The following EHBP1 variants were observed in gnomAD, a reference collection of about 807,000 sequenced individuals.
The protein encoded by EHBP1 is EH domain binding protein 1.
Under a neutral mutation model 144.0 loss-of-function variants are expected in EHBP1, and 55 were observed. The ratio of observed to expected loss-of-function variants is 0.38; its 90% CI spans 0.31 to 0.48. The LOEUF (loss-of-function observed/expected upper bound fraction) is 0.48, where lower values mean the gene tolerates loss of function less well. Ranked by LOEUF, EHBP1 falls within the 20% of genes least tolerant of loss-of-function variation. EHBP1 has a pLI of 0.98. For synonymous variants in EHBP1, 469 were observed against 472.7 expected, an observed-to-expected ratio of 0.99 and a Z score of 0.10; for missense variants, 1,200 against 1,364.2, an observed-to-expected ratio of 0.88 and a Z score of 1.90.
chr2:63,042,425 A>C (rs2061700707), intron 21 of EHBP1, among the ~76,000 whole-genome samples: 1 of 152,114 alleles, frequency 6.6e-6, no homozygotes, highest in Non-Finnish European at 1.5e-5. Context: ...TTCACTGCAC[A>C]TTGCTATTTC....
At chr2:62,696,505 CTTCTTT>C (rs1238914040) in intron 1 of EHBP1, among the ~76,000 whole-genome samples, 2 of 99,148 alleles carry the variant, frequency 2.0e-5, no homozygotes, top group Non-Finnish European at 2.0e-5. Flanking sequence ...TCTTTTTTTT[CTTCTTT>C]TTTTTTTTTT....
intron 19 of EHBP1, among the ~76,000 whole-genome samples, chr2:63,030,574 A>C (rs1482711237): frequency 2.0e-5 from 3 of 149,312 alleles, no homozygotes; most frequent in Non-Finnish European, 4.4e-5. Flanking sequence ...TGCAAGCTCC[A>C]CCTCCCAGGT....
chr2:62,762,554 A>C (rs1316415552), intron 3 of EHBP1, among the ~76,000 whole-genome samples: 1 of 152,116 alleles, frequency 6.6e-6, no homozygotes, highest in Non-Finnish European at 1.5e-5. Flanking sequence ...CTTGCCTCCT[A>C]TCTGTTAATA....
chr2:62,773,720 G>C (rs374690339), intron 5 of EHBP1, among the ~76,000 whole-genome samples: 4 of 151,214 alleles, frequency 2.6e-5, no homozygotes, highest in Non-Finnish European at 5.9e-5. Context: ...GCTTGGTGGC[G>C]TGCGCCTGTA....
intron 5 of EHBP1, among the ~76,000 whole-genome samples, chr2:62,808,722 A>G (rs1643834633): frequency 6.6e-6 from 1 of 152,142 alleles, no homozygotes; most frequent in African/African-American, 2.4e-5. Flanking sequence ...GGTAAAAGGA[A>G]GTGCTGTAAA....
At chr2:62,704,856 T>G (rs1241554483), upstream of EHBP1, among the ~76,000 whole-genome samples, 3 of 152,184 alleles carry the variant, frequency 2.0e-5, no homozygotes, top group Non-Finnish European at 4.4e-5. Context: ...CAAGATTGAG[T>G]GTCCCTGCCC....
At chr2:62,959,499 G>A (rs2057892390) in intron 14 of EHBP1, among the ~76,000 whole-genome samples, 1 of 152,118 alleles carries the variant, frequency 6.6e-6, no homozygotes, top group Non-Finnish European at 1.5e-5. Flanking sequence ...CACCAACAGT[G>A]TGCAAAGATT....
chr2:62,904,616 G>A (rs899475833), intron 10 of EHBP1, among the ~76,000 whole-genome samples: 6 of 152,152 alleles, frequency 3.9e-5, no homozygotes, highest in Non-Finnish European at 7.3e-5. Context: ...CCTCAGTGTG[G>A]AACAGGAGCC....
intron 10 of EHBP1, among the ~76,000 whole-genome samples, chr2:62,908,629 C>T (rs1020613900): frequency 6.6e-6 from 1 of 152,082 alleles, no homozygotes; most frequent in Admixed American, 6.6e-5. Context: ...ACATCCAGGT[C>T]AAAATACTTC....
intron 2 of EHBP1, among the ~76,000 whole-genome samples, chr2:62,730,624 TAG>T (rs898881603): frequency 1.1e-4 from 17 of 149,672 alleles, no homozygotes; most frequent in African/African-American, 1.5e-4. Context: ...TCTTTTTTTT[TAG>T]AGAGAGAGAG....
At chr2:62,680,816 A>G (rs1187768072) in intron 1 of EHBP1, among the ~76,000 whole-genome samples, 3 of 152,200 alleles carry the variant, frequency 2.0e-5, no homozygotes, top group South Asian at 4.1e-4. Context: ...TATAAGTCCT[A>G]TCTCTACTAC....
chr2:62,826,838 A>G (rs751542197), intron 6 of EHBP1, among the ~76,000 whole-genome samples: 13 of 152,176 alleles, frequency 8.5e-5, no homozygotes, highest in Non-Finnish European at 1.3e-4. Flanking sequence ...TATAAGAGTA[A>G]AATTCTAACT....
chr2:62,781,665 T>C (rs1179354567), intron 5 of EHBP1, among the ~76,000 whole-genome samples: 4 of 152,194 alleles, frequency 2.6e-5, no homozygotes, highest in African/African-American at 9.7e-5. Flanking sequence ...AGAGGCTTCT[T>C]TGTGCAACAG....
chr2:62,867,236 C>T (rs1241489628), intron 9 of EHBP1, among the ~76,000 whole-genome samples: 1 of 151,932 alleles, frequency 6.6e-6, no homozygotes, highest in Non-Finnish European at 1.5e-5. Flanking sequence ...TGTGTAAAGG[C>T]TGAGTAGCAG....
chr2:62,823,749 G>A (rs2046152834), intron 5 of EHBP1, among the ~76,000 whole-genome samples: 1 of 152,004 alleles, frequency 6.6e-6, no homozygotes, highest in African/African-American at 2.4e-5. Flanking sequence ...CAATGTCTGA[G>A]GTAGCTGGAG....
intron 19 of EHBP1, among the ~76,000 whole-genome samples, chr2:63,005,402 G>A (rs139685116): frequency 1.3e-5 from 2 of 152,146 alleles, no homozygotes; most frequent in African/African-American, 4.8e-5. Context: ...CAACAGCACC[G>A]GCTGGCTTAC....
chr2:62,822,165 C>G (rs2046031931), intron 5 of EHBP1, among the ~76,000 whole-genome samples: 1 of 152,018 alleles, frequency 6.6e-6, no homozygotes. Flanking sequence ...TTTTTATAAT[C>G]AGTTCATTTC....
chr2:62,688,514 A>G (rs2033793727), intron 1 of EHBP1, among the ~76,000 whole-genome samples: 1 of 152,192 alleles, frequency 6.6e-6, no homozygotes. Context: ...ATTTAAAACT[A>G]CATGTTATTA....
Position 63,045,189 on chromosome 2 carries a change from G to A in EHBP1, c.3392+9G>A, listed in dbSNP as rs770845018. The A allele has an allele frequency of 2.0e-5, 32 of 1,574,650 alleles. No homozygotes were observed. In the East Asian group the frequency reaches 7.5e-4, roughly 37 times the overall value. On this transcript the variant is annotated intron_variant, in intron 22 of 22. Transcript: ENST00000431489. The surrounding 1 kb of genome is among the most constrained non-coding windows in gnomAD (Gnocchi z 5.7). ...GACGCGCAGGAGAAGCAGTGAGTGGGCAGTGGGGTCGGGTCGAGGCTGGGC... is the reference window on the plus strand; with the variant it reads ...GACGCGCAGGAGAAGCAGTGAGTGGACAGTGGGGTCGGGTCGAGGCTGGGC...
Sources: allele counts gnomAD v4.1 joint callset (sites outside exome capture counted in the v4.1 genomes callset), GRCh38; gene constraint gnomAD v4.1.1; non-coding constraint Gnocchi (gnomAD v3.1); transcripts MANE v1.5; gene names NCBI Gene and HGNC (gene_info 2026-07-23, HGNC 2026-07-21).